ARHGAP25: variants seen among roughly 807,000 people sequenced by gnomAD.
ARHGAP25 encodes Rho GTPase activating protein 25.
In ARHGAP25, 34 loss-of-function variants were observed where a neutral mutation model predicts 71.0. The ratio of observed to expected loss-of-function variants is 0.48; its 90% CI spans 0.36 to 0.64. The LOEUF is 0.64. Among genes scored for constraint, ARHGAP25 ranks in the 30% least tolerant of loss-of-function variants. The pLI is 0.00. For synonymous variants in ARHGAP25, 282 were observed against 296.5 expected (o/e 0.95, Z 0.50); for missense variants, 706 against 805.1 (o/e 0.88, Z 1.49).
At chr2:68,723,839 T>C (rs1434677315) in intron 2 of ARHGAP25, among the ~76,000 whole-genome samples, 2 of 151,876 alleles carry the variant, frequency 1.3e-5, no homozygotes, top group African/African-American at 4.8e-5. Flanking sequence ...CATCTGATAC[T>C]GGGAAATGGG....
At chr2:68,803,558 A>G (rs74333664) in intron 4 of ARHGAP25, among the ~76,000 whole-genome samples, 1 of 152,060 alleles carries the variant, frequency 6.6e-6, no homozygotes, top group Non-Finnish European at 1.5e-5. Flanking sequence ...CTGAGGTGGG[A>G]GATTATTCTT....
intron 1 of ARHGAP25, among the ~76,000 whole-genome samples, chr2:68,763,027 C>A (rs1573464558): frequency 6.6e-6 from 1 of 152,340 alleles, no homozygotes; most frequent in East Asian, 1.9e-4. Flanking sequence ...ACTCAAGCAT[C>A]ATGAAGTGTA....
At chr2:68,749,808 A>C (rs1676050197) in intron 1 of ARHGAP25, among the ~76,000 whole-genome samples, 1 of 152,254 alleles carries the variant, frequency 6.6e-6, no homozygotes, top group Non-Finnish European at 1.5e-5. Context: ...CTGGATATGC[A>C]GCAAAGTTTG....
chr2:68,720,670 CA>C (rs201061977), intron 2 of ARHGAP25, among the ~76,000 whole-genome samples: 1,663 of 152,202 alleles, frequency 0.011, 33 homozygotes, highest in African/African-American at 0.039. Flanking sequence ...TCTGCTTGAC[CA>C]AAATTATCTT....
intron 2 of ARHGAP25, among the ~76,000 whole-genome samples, chr2:68,723,355 C>G (rs1400748839): frequency 6.6e-6 from 1 of 152,230 alleles, no homozygotes; most frequent in Non-Finnish European, 1.5e-5. Flanking sequence ...GGCCATGCCA[C>G]ATCCTGGTGG....
At chr2:68,738,094 A>G (rs1675312437) in intron 1 of ARHGAP25, among the ~76,000 whole-genome samples, 1 of 152,182 alleles carries the variant, frequency 6.6e-6, no homozygotes, top group African/African-American at 2.4e-5. Context: ...AAAATGCAGA[A>G]CAAACAGTCT....
At chr2:68,727,309 C>T (rs976471049) in intron 2 of ARHGAP25, among the ~76,000 whole-genome samples, 8 of 152,140 alleles carry the variant, frequency 5.3e-5, no homozygotes, top group Non-Finnish European at 1.0e-4. Context: ...TCTTTTTTTC[C>T]CCTCACTTTT....
At chr2:68,822,160 T>C (rs1681734222) in intron 9 of ARHGAP25, among the ~76,000 whole-genome samples, 180 bp from the exon 10 acceptor site, 1 of 152,186 alleles carries the variant, frequency 6.6e-6, no homozygotes, top group South Asian at 2.1e-4. Context: ...ATGGTTCCTT[T>C]ACTGCAATAT....
rs80298511 is a variant in ARHGAP25, at chr2:68,805,336, A to C, written c.467-1937A>C. ...TTTAGCCACAGAAGTATCTAATCAC[A>C]GTCTCACCGCAATGCAATAAGTGAA... On this transcript the variant is annotated intron_variant, in intron 4 of 10. Transcript: ENST00000409202. Among the ~76,000 whole-genome samples the C allele has an allele frequency of 6.4e-4, 97 of 152,210 alleles. No individual in the cohort carries two copies. The East Asian group carries it at 7.4e-3, about 12-fold the overall frequency.
chr2:68,803,516 A>C (rs897983683), intron 4 of ARHGAP25, among the ~76,000 whole-genome samples: 1 of 152,172 alleles, frequency 6.6e-6, no homozygotes, highest in Non-Finnish European at 1.5e-5. Context: ...GGTAAAGAGA[A>C]GGAAGGCAAA....
rs114938397 is a variant in ARHGAP25 at position 68,750,476 on chromosome 2, C to A, written c.61+15216C>A. ...TAGCTGGGACTACAGGCACCTGTCA[C>A]CATGCTCGGCGTATTTGTATTTTTA... On this transcript the variant is annotated intron_variant, in intron 1 of 10. Coordinates refer to ENST00000409202, the MANE Select transcript of ARHGAP25 (RefSeq NM_001007231.3). 3.4e-3 allele frequency among the ~76,000 whole-genome samples: 521 copies of A among 152,222 alleles called. 2 individuals are homozygous for A. Among genetic ancestry groups the A allele is most frequent in the African/African-American group, 0.012 (491 of 41,540 alleles).
chr2:68,820,474 C>T (rs562649968), intron 9 of ARHGAP25, among the ~76,000 whole-genome samples: 31 of 152,186 alleles, frequency 2.0e-4, no homozygotes, highest in African/African-American at 7.2e-4. Flanking sequence ...CCTCTAACTC[C>T]GGGTGGGGTT....
intron 1 of ARHGAP25, among the ~76,000 whole-genome samples, chr2:68,759,428 G>T (rs996019626): frequency 2.0e-5 from 3 of 151,110 alleles, no homozygotes; most frequent in African/African-American, 4.8e-5. Context: ...GAAATAAAAA[G>T]AAATATAAAA....
At chr2:68,811,210 G>A (rs1394048911) in intron 5 of ARHGAP25, among the ~76,000 whole-genome samples, 1 of 152,200 alleles carries the variant, frequency 6.6e-6, no homozygotes, top group Non-Finnish European at 1.5e-5. Flanking sequence ...GGCTTACAAG[G>A]ATCAGTGTGA....
At chr2:68,811,576 A>G (rs987844285) in intron 5 of ARHGAP25, among the ~76,000 whole-genome samples, 2 of 152,212 alleles carry the variant, frequency 1.3e-5, no homozygotes, top group South Asian at 2.1e-4. Context: ...GAGGGCAGCC[A>G]TGGAGCATAG....
rs770153814 is a variant in ARHGAP25 at position 68,826,190 on chromosome 2, C to T, written c.1937C>T (p.Ala646Val). ...TCCATGAAGGAACCCAAGACCGAGGCTTAAGGGTCCCAGGAGTACTGCAGG... is the reference window on the plus strand; with the variant it reads ...TCCATGAAGGAACCCAAGACCGAGGTTTAAGGGTCCCAGGAGTACTGCAGG... ...VKSMKEPKTE[A>V] is the part of the protein sequence containing the mutation. Residue 646 changes from alanine to valine, a missense_variant, in exon 11 of 11, where the codon GCT becomes GTT. By Grantham distance (64) the Ala-to-Val change is moderately conservative. Transcript: ENST00000409202. 2 of 1,614,110 alleles carry T rather than the reference C, an allele frequency of 1.2e-6. No individual in the cohort carries two copies. The highest frequency in any genetic ancestry group is 4.5e-5 in the East Asian group (2 of 44,888).
At chr2:68,801,989 A>G (rs190645406) in intron 4 of ARHGAP25, among the ~76,000 whole-genome samples, 12 of 152,310 alleles carry the variant, frequency 7.9e-5, no homozygotes, top group Non-Finnish European at 1.6e-4. Flanking sequence ...CTCAGCCTAC[A>G]TTTGTTGAAT....
chr2:68,712,150 A>T (rs1199974016), intron 2 of ARHGAP25, among the ~76,000 whole-genome samples: 2 of 152,068 alleles, frequency 1.3e-5, no homozygotes, highest in Non-Finnish European at 2.9e-5. Flanking sequence ...AAGCATTCCT[A>T]TTTCTCCACA....
At chr2:68,753,486 G>A (rs996629626) in intron 1 of ARHGAP25, among the ~76,000 whole-genome samples, 1 of 152,190 alleles carries the variant, frequency 6.6e-6, no homozygotes, top group Admixed American at 6.5e-5. Context: ...AAATAATGTG[G>A]GTGGGGATCA....
Sources: allele counts gnomAD v4.1 joint callset (sites outside exome capture counted in the v4.1 genomes callset), GRCh38; gene constraint gnomAD v4.1.1; transcripts MANE v1.5; gene names NCBI Gene and HGNC (gene_info 2026-07-23, HGNC 2026-07-21).